ARHGEF38: variants seen among roughly 807,000 people sequenced by gnomAD.
The protein encoded by ARHGEF38 is Rho guanine nucleotide exchange factor (GEF) 38.
A neutral mutation model predicts 79.9 loss-of-function variants in ARHGEF38; 79 were observed. The observed-to-expected ratio is 0.99, with a 90% CI of 0.82 to 1.19. The LOEUF is 1.19. Ranked by LOEUF, ARHGEF38 falls within the 50% of genes most tolerant of loss-of-function variation. The pLI is 0.00. For missense variants in ARHGEF38, 962 were observed against 907.2 expected (o/e 1.06, Z -0.78); for synonymous variants, 366 against 328.3 (o/e 1.11, Z -1.24).
In ARHGEF38 at chr4:105,561,063, T is replaced by C. The variant is rs571135099; in HGVS notation, c.196+8102T>C. Among the ~76,000 whole-genome samples, 65 of 152,232 alleles carry C rather than the reference T, an allele frequency of 4.3e-4. No individual in the cohort carries two copies. The East Asian group carries it at 0.012, about 29-fold the overall frequency. On this transcript the variant is annotated intron_variant, in intron 1 of 13. Coordinates refer to ENST00000420470, the MANE Select transcript of ARHGEF38 (RefSeq NM_001242729.2). ...AAATTTGTTTTTGTTCCCTGGCCTT[T>C]ATATTAACTATTTTGTCTGTCTAAA...
chr4:105,621,058 A>G (rs1728717040), intron 3 of ARHGEF38, among the ~76,000 whole-genome samples: 1 of 152,188 alleles, frequency 6.6e-6, no homozygotes, highest in Admixed American at 6.5e-5. Flanking sequence ...CTATCCCAGA[A>G]TCCCAGCAGA....
chr4:105,624,719 C>T (rs1042537204), intron 3 of ARHGEF38, among the ~76,000 whole-genome samples: 13 of 152,202 alleles, frequency 8.5e-5, no homozygotes, highest in African/African-American at 2.9e-4. Flanking sequence ...GATGATCTGG[C>T]ATTTGGGCTG....
At chr4:105,605,634 A>G (rs1047957895) in intron 2 of ARHGEF38, among the ~76,000 whole-genome samples, 8 of 152,154 alleles carry the variant, frequency 5.3e-5, no homozygotes. Flanking sequence ...ATCCAGTTTC[A>G]CAGCAGGAAA....
intron 1 of ARHGEF38, among the ~76,000 whole-genome samples, chr4:105,581,982 A>ATG (rs1326811924): frequency 2.6e-5 from 4 of 151,808 alleles, no homozygotes; most frequent in Non-Finnish European, 5.9e-5. Flanking sequence ...TGGCCAACCC[A>ATG]GTGAAACCCC....
At position 105,673,069 on chromosome 4, in the gene ARHGEF38, G is replaced by A. The variant is rs548188646; in HGVS notation, c.2149-4683G>A. ...GATAATCCCTCTTTTGACTAACTCC[G>A]AGTCAATTTCCTAGGGACTTTAATA... is the stretch of plus-strand genomic sequence containing the variant. On this transcript the variant is annotated intron_variant, in intron 13 of 13. Coordinates refer to ENST00000420470, the MANE Select transcript of ARHGEF38 (RefSeq NM_001242729.2). Among the ~76,000 whole-genome samples the A allele has an allele frequency of 4.6e-5, 7 of 152,262 alleles. No individual in the cohort carries two copies. In the South Asian group the frequency reaches 1.0e-3, roughly 23 times the overall value.
chr4:105,673,605 G>A (rs1731024585), intron 13 of ARHGEF38, among the ~76,000 whole-genome samples: 1 of 151,632 alleles, frequency 6.6e-6, no homozygotes, highest in African/African-American at 2.4e-5. Flanking sequence ...AATAGTATGA[G>A]GTAAAAAACA....
At chr4:105,576,926 C>T (rs775374617) in intron 1 of ARHGEF38, among the ~76,000 whole-genome samples, 11 of 152,034 alleles carry the variant, frequency 7.2e-5, no homozygotes, top group South Asian at 2.1e-4. Flanking sequence ...CATATTGACT[C>T]GTATATGTTT....
Position 105,662,826 on chromosome 4 carries a change from A to G in ARHGEF38, c.1546-3351A>G, listed in dbSNP as rs145350281. ...GTTATTTTAGGTATCTTTGATCCCC[A>G]CTTTGAATCATGTGATTTTTAAAGG... On this transcript the variant is annotated intron_variant, in intron 10 of 13. Coordinates refer to ENST00000420470, the MANE Select transcript of ARHGEF38 (RefSeq NM_001242729.2). Among the ~76,000 whole-genome samples, 327 of 152,280 alleles carry G rather than the reference A, an allele frequency of 2.1e-3. 2 individuals carry two copies. The highest frequency in any genetic ancestry group is 7.3e-3 in the African/African-American group (305 of 41,580).
intron 3 of ARHGEF38, among the ~76,000 whole-genome samples, chr4:105,619,957 A>T (rs1269825205): frequency 6.6e-6 from 1 of 152,186 alleles, no homozygotes; most frequent in Non-Finnish European, 1.5e-5. Flanking sequence ...AGAGTTTGTG[A>T]TTCACAGCTG....
intron 13 of ARHGEF38, among the ~76,000 whole-genome samples, chr4:105,672,067 AC>A (rs1400865234): frequency 1.3e-5 from 2 of 152,056 alleles, no homozygotes; most frequent in African/African-American, 4.8e-5. Flanking sequence ...GCAATTTCAA[AC>A]TTAGATTCTA....
chr4:105,638,295 T>C (rs1182553410), intron 5 of ARHGEF38, among the ~76,000 whole-genome samples: 1 of 152,128 alleles, frequency 6.6e-6, no homozygotes, highest in African/African-American at 2.4e-5. Context: ...TTACTTTGAA[T>C]TATAACCTCA....
chr4:105,646,414 A>G (rs1238979372), intron 6 of ARHGEF38, among the ~76,000 whole-genome samples: 2 of 152,226 alleles, frequency 1.3e-5, no homozygotes, highest in Non-Finnish European at 2.9e-5. Context: ...ATCTTCATTT[A>G]TACTCAGGGA....
chr4:105,668,671 TAGATAGATA>T (rs1367909181), intron 13 of ARHGEF38, among the ~76,000 whole-genome samples: 1 of 123,198 alleles, frequency 8.1e-6, no homozygotes, highest in Non-Finnish European at 1.8e-5. Context: ...TGTAGATAGA[TAGATAGATA>T]GATAGATAGA....
At chr4:105,634,864 C>A (rs1729336970) in intron 4 of ARHGEF38, among the ~76,000 whole-genome samples, 1 of 152,162 alleles carries the variant, frequency 6.6e-6, no homozygotes, top group Non-Finnish European at 1.5e-5. Context: ...ACTTTGGCTG[C>A]TCACATTACT....
intron 2 of ARHGEF38, among the ~76,000 whole-genome samples, chr4:105,591,161 C>T (rs1372850139): frequency 6.6e-6 from 1 of 152,108 alleles, no homozygotes; most frequent in African/African-American, 2.4e-5. Context: ...GCCTGTCATG[C>T]CCCCAACTAT....
chr4:105,653,179 A>T lies in ARHGEF38; in HGVS notation c.1009-886A>T, dbSNP rs530572079. Among the ~76,000 whole-genome samples the T allele has an allele frequency of 6.6e-5, 10 of 152,316 alleles. 1 individual carries two copies. Among genetic ancestry groups the T allele is most frequent in the Admixed American group, 5.9e-4 (9 of 15,300 alleles). On this transcript the variant is annotated intron_variant, in intron 7 of 13. Coordinates refer to ENST00000420470, the MANE Select transcript of ARHGEF38 (RefSeq NM_001242729.2). The stretch of plus-strand genomic sequence containing the variant: ...TAAAAAGCATATCTTTCTGAATTCT[A>T]ATGGATGTACATGTAAGATGACAAA...
chr4:105,655,650 T>A lies in ARHGEF38; in HGVS notation c.1161T>A (p.Ile387=). 1 of 1,535,968 alleles carries A rather than the reference T, an allele frequency of 6.5e-7. No homozygotes were observed. Among genetic ancestry groups the A allele is most frequent in the Non-Finnish European group, 8.7e-7 (1 of 1,146,730 alleles). ...AGAGTGTGATGGACCTTCAGGAGAT[T>A]TCATACAACAAAGACGATGAGATGG... The part of the protein sequence containing the change: ...ALQSVMDLQE[I]SYNKDDEMDY... Residue 387 remains isoleucine, a synonymous_variant, in exon 9 of 14, where the codon ATT becomes ATA. Transcript: ENST00000420470.
chr4:105,653,668 T>C (rs180825171), intron 7 of ARHGEF38, among the ~76,000 whole-genome samples: 17 of 152,348 alleles, frequency 1.1e-4, no homozygotes, highest in East Asian at 9.6e-4. Flanking sequence ...TTGGAATGAA[T>C]CATACGAACA....
At chr4:105,644,555 T>C (rs1729757439) in intron 5 of ARHGEF38, among the ~76,000 whole-genome samples, 1 of 152,248 alleles carries the variant, frequency 6.6e-6, no homozygotes, top group South Asian at 2.1e-4. Context: ...TGTAGTCATT[T>C]GAAGATTTGT....
Sources: allele counts gnomAD v4.1 joint callset (sites outside exome capture counted in the v4.1 genomes callset), GRCh38; gene constraint gnomAD v4.1.1; transcripts MANE v1.5; gene names NCBI Gene and HGNC (gene_info 2026-07-23, HGNC 2026-07-21).